CSMD3: variants seen among roughly 807,000 people sequenced by gnomAD.
CSMD3 encodes CUB and sushi domain-containing protein 3.
A neutral mutation model predicts 435.2 loss-of-function variants in CSMD3; 177 were observed. That is an observed-to-expected ratio of 0.41 (90% CI 0.36 to 0.46). CSMD3 has a LOEUF of 0.46. Among genes scored for constraint, CSMD3 ranks in the 20% least tolerant of loss-of-function variants. The pLI is 0.34. For synonymous variants in CSMD3, 1,656 were observed against 1,520.5 expected (o/e 1.09, Z -2.07); for missense variants, 4,265 against 4,504.6 (o/e 0.95, Z 1.52).
At chr8:112,496,142 T>A (rs1445068471) in intron 30 of CSMD3, among the ~76,000 whole-genome samples, 1 of 152,066 alleles carries the variant, frequency 6.6e-6, no homozygotes, top group Non-Finnish European at 1.5e-5. Flanking sequence ...GCCAATTTTT[T>A]GTATTTTTAG....
Position 112,700,424 on chromosome 8 carries a change from C to A in CSMD3, c.1973-10374G>T, listed in dbSNP as rs2076364466. ...GTTGAGGCTGGAAAATCGCTTGAAC[C>A]CAGGAGGCAGAGGTTGTAATGAGGA... On this transcript the variant is annotated intron_variant, in intron 13 of 70. Coordinates refer to ENST00000297405, the MANE Select transcript of CSMD3 (RefSeq NM_198123.2). 5.3e-5 allele frequency among the ~76,000 whole-genome samples: 8 copies of A among 152,068 alleles called. No individual in the cohort carries two copies. In the South Asian group the frequency reaches 1.7e-3, roughly 31 times the overall value.
chr8:113,197,971 C>T (rs2092677718), intron 3 of CSMD3, among the ~76,000 whole-genome samples: 1 of 151,212 alleles, frequency 6.6e-6, no homozygotes, highest in African/African-American at 2.4e-5. Context: ...GAAGCATATA[C>T]AATCTTTATA....
At chr8:112,748,736 GT>G (rs1280029837) in intron 13 of CSMD3, among the ~76,000 whole-genome samples, 4 of 152,046 alleles carry the variant, frequency 2.6e-5, no homozygotes, top group Non-Finnish European at 5.9e-5. Context: ...TATCCAGTCT[GT>G]CATTGATGGC....
chr8:113,082,228 G>A (rs2089594013), intron 5 of CSMD3, among the ~76,000 whole-genome samples: 1 of 152,006 alleles, frequency 6.6e-6, no homozygotes, highest in Non-Finnish European at 1.5e-5. Context: ...GGAGTGTGAG[G>A]ATAGACCCAC....
chr8:112,919,804 C>A (rs973069090), intron 10 of CSMD3, among the ~76,000 whole-genome samples: 16 of 151,776 alleles, frequency 1.1e-4, no homozygotes, highest in Non-Finnish European at 5.9e-5. Flanking sequence ...GTAACCCTTA[C>A]AAAATGTATT....
intron 5 of CSMD3, among the ~76,000 whole-genome samples, chr8:113,088,967 T>C (rs985225545): frequency 1.2e-4 from 18 of 152,172 alleles, no homozygotes; most frequent in Non-Finnish European, 2.2e-4. Flanking sequence ...ATATTGAACA[T>C]TAAACACATA....
At chr8:112,740,101 T>C (rs1385608676) in intron 13 of CSMD3, among the ~76,000 whole-genome samples, 2 of 151,828 alleles carry the variant, frequency 1.3e-5, no homozygotes, top group East Asian at 1.9e-4. Flanking sequence ...AAAATATCTG[T>C]ATACAAATAT....
intron 59 of CSMD3, among the ~76,000 whole-genome samples, chr8:112,277,707 A>G (rs1051994067): frequency 1.3e-5 from 2 of 152,146 alleles, no homozygotes; most frequent in Non-Finnish European, 2.9e-5. Context: ...GATTTAATGG[A>G]CTCACAGTTC....
intron 23 of CSMD3, among the ~76,000 whole-genome samples, chr8:112,577,865 C>T (rs1454551037): frequency 6.6e-6 from 1 of 152,058 alleles, no homozygotes; most frequent in Non-Finnish European, 1.5e-5. Flanking sequence ...CATATTCTAA[C>T]TCATTTATCT....
intron 10 of CSMD3, among the ~76,000 whole-genome samples, chr8:112,915,325 T>C (rs965810159): frequency 1.3e-5 from 2 of 151,832 alleles, no homozygotes; most frequent in African/African-American, 4.8e-5. Context: ...AGTTGTTGTT[T>C]GGGCATGATG....
At chr8:112,366,255 T>G (rs892151939) in intron 38 of CSMD3, among the ~76,000 whole-genome samples, 1 of 152,168 alleles carries the variant, frequency 6.6e-6, no homozygotes, top group East Asian at 1.9e-4. Flanking sequence ...ATAAGAGGGT[T>G]TTGAGACAGT....
chr8:113,346,430 AG>A (rs936790495), intron 1 of CSMD3, among the ~76,000 whole-genome samples: 15 of 152,142 alleles, frequency 9.9e-5, no homozygotes, highest in African/African-American at 3.6e-4. Flanking sequence ...GGAATCAAAA[AG>A]CTCCTCTGAT....
intron 3 of CSMD3, among the ~76,000 whole-genome samples, chr8:113,180,656 T>C (rs1278505932): frequency 5.3e-5 from 8 of 152,060 alleles, no homozygotes; most frequent in Admixed American, 3.9e-4. Flanking sequence ...ACAGATCTCA[T>C]AGAATTAAAT....
chr8:112,950,674 G>A (rs1325060723), intron 8 of CSMD3, among the ~76,000 whole-genome samples: 1 of 151,902 alleles, frequency 6.6e-6, no homozygotes, highest in African/African-American at 2.4e-5. Flanking sequence ...TCCTACAGGT[G>A]AGAAAACTGA....
At chr8:113,162,566 C>T (rs1467080855) in intron 4 of CSMD3, among the ~76,000 whole-genome samples, 1 of 136,762 alleles carries the variant, frequency 7.3e-6, no homozygotes, top group African/African-American at 2.8e-5. Flanking sequence ...ACTCCGTCCC[C>T]ACATCAAAAA....
At chr8:113,355,356 T>C (rs1232153693) in intron 1 of CSMD3, among the ~76,000 whole-genome samples, 2 of 151,922 alleles carry the variant, frequency 1.3e-5, no homozygotes, top group Non-Finnish European at 2.9e-5. Context: ...CCATGGAATG[T>C]GTGTCTTAAA....
At chr8:112,928,749 C>T (rs1310059056) in intron 9 of CSMD3, among the ~76,000 whole-genome samples, 2 of 150,390 alleles carry the variant, frequency 1.3e-5, no homozygotes, top group South Asian at 2.1e-4. Context: ...AATAAACATA[C>T]ATGTGCATGT....
At chr8:112,330,203 C>A (rs990219765) in intron 45 of CSMD3, among the ~76,000 whole-genome samples, 2 of 152,050 alleles carry the variant, frequency 1.3e-5, no homozygotes, top group Non-Finnish European at 2.9e-5. Flanking sequence ...CCAAACACAG[C>A]ATTTATTGTA....
intron 24 of CSMD3, among the ~76,000 whole-genome samples, chr8:112,566,834 G>C (rs565170382): frequency 2.0e-5 from 3 of 152,192 alleles, no homozygotes; most frequent in South Asian, 4.1e-4. Context: ...CCAGCTTCTG[G>C]TGTGTTATGT....
Sources: gnomAD v4.1 joint callset for allele counts (sites outside exome capture counted in the v4.1 genomes callset) on GRCh38, gnomAD v4.1.1 for gene constraint, MANE v1.5 for transcripts, NCBI Gene and HGNC (gene_info 2026-07-23, HGNC 2026-07-21) for gene names.